The following STAP2 variants were observed in gnomAD, a reference collection of about 807,000 sequenced individuals.
STAP2 encodes the protein signal transducing adaptor family member 2, also known as signal-transducing adaptor protein 2.
Under a neutral mutation model 52.7 loss-of-function variants are expected in STAP2, and 58 were observed. That is an observed-to-expected ratio of 1.10 (90% CI 0.89 to 1.37). STAP2 has a LOEUF of 1.37. Ranked by LOEUF, STAP2 falls within the 40% of genes most tolerant of loss-of-function variation. STAP2 has a pLI of 0.00. For missense variants in STAP2, 522 were observed against 519.4 expected (o/e 1.00, Z -0.05); for synonymous variants, 231 against 210.5 (o/e 1.10, Z -0.84).
At position 4,328,735 on chromosome 19, in the gene STAP2, A is replaced by T; in HGVS notation, c.530T>A (p.Leu177Gln). ...ERYPECGNLL[L>Q]RPSGDGADGV... ...GTCGGCGCCGTCCCCGCTGGGCCGC[A>T]GCAGCAGGTTCCCGCACTCGGGGTA... Residue 177 changes from leucine to glutamine, a missense_variant, in exon 6 of 13, where the codon CTG becomes CAG. Leu to Gln is a moderately radical substitution (Grantham distance 113). Coordinates refer to ENST00000594605, the MANE Select transcript of STAP2 (RefSeq NM_001013841.2). 6.2e-7 allele frequency: 1 copy of T among 1,607,956 alleles called. No individual in the cohort carries two copies. The highest frequency in any genetic ancestry group is 8.5e-7 in the Non-Finnish European group (1 of 1,178,022).
At position 4,327,433 on chromosome 19, in the gene STAP2, C is replaced by T. The variant is rs1444032739; in HGVS notation, c.591-48G>A. 9 of 1,604,548 alleles carry T rather than the reference C, an allele frequency of 5.6e-6. No individual in the cohort carries two copies. The African/African-American group carries it at 8.0e-5, about 14-fold the overall frequency. On this transcript the variant is annotated intron_variant, in intron 6 of 12. Coordinates refer to ENST00000594605, the MANE Select transcript of STAP2 (RefSeq NM_001013841.2). ...AGTGGCTCAGCCCAGGCTCCCACAC[C>T]GCCCCTCAGGGAAGGCCCCGCCCCA...
intron 4 of STAP2, among the ~76,000 whole-genome samples, chr19:4,331,788 C>T (rs932937325): frequency 4.6e-5 from 7 of 151,896 alleles, no homozygotes; most frequent in Non-Finnish European, 7.4e-5. Context: ...AAAAATTAGC[C>T]GGGCGTGGTG....
chr19:4,327,167 C>T lies in STAP2; in HGVS notation c.720G>A (p.Ala240=). 5 of 1,614,206 alleles carry T rather than the reference C, an allele frequency of 3.1e-6. No individual in the cohort carries two copies. The highest frequency in any genetic ancestry group is 4.2e-6 in the Non-Finnish European group (5 of 1,180,036). ...CCTCGTCTAACAGGAATGGCACCAG[C>T]GCCTTTTTGGTATGCGACACGAAAT... is the stretch of plus-strand genomic sequence containing the variant. ...VNYFVSHTKK[A]LVPFLLDEDY... Residue 240 remains alanine, a synonymous_variant, in exon 8 of 13, where the codon GCG becomes GCA. Transcript: ENST00000594605.
intron 6 of STAP2, chr19:4,328,115 A>G: frequency 5.9e-6 from 1 of 168,448 alleles, no homozygotes; most frequent in Non-Finnish European, 1.3e-5. Context: ...CTCCTAACCC[A>G]AGACCTGGCT....
Position 4,328,693 on chromosome 19 carries a change from G to A in STAP2, c.572C>T (p.Thr191Met), listed in dbSNP as rs1971837888. The change falls in exon 6 of 13, where the codon ACG (threonine) becomes ATG (methionine). Residue 191 changes from threonine to methionine, a missense_variant. Thr to Met is a moderately conservative substitution (Grantham distance 81). Transcript: ENST00000594605. ...GDGADGVSVT[T>M]RQMHNGTHVV... ...TGCGCACCCGTTGTGCATCTGCCGC[G>A]TGGTGACCGACACGCCGTCGGCGCC... The A allele has an allele frequency of 1.9e-6, 3 of 1,577,146 alleles. No homozygotes were observed. Among genetic ancestry groups the A allele is most frequent in the East Asian group, 2.3e-5 (1 of 42,756 alleles).
chr19:4,333,872 T>C, intron 2 of STAP2, 56 bp from the exon 3 acceptor site: 1 of 1,612,988 alleles, frequency 6.2e-7, no homozygotes, highest in Non-Finnish European at 8.5e-7. Flanking sequence ...CCAGGCCCCC[T>C]GGATGATGTA....
At position 4,325,411 on chromosome 19, in the gene STAP2, A is replaced by T; in HGVS notation, c.964T>A (p.Tyr322Asn). 2 of 1,614,046 alleles carry T rather than the reference A, an allele frequency of 1.2e-6. No homozygotes were observed. ...TPIGDGPAVD[Y>N]ENQDVASSSW... ...CCCCACCCACCATCTTGGTTCTCAT[A>T]GTCAACAGCTGGGCCATCTCCAATG... Residue 322 changes from tyrosine to asparagine, a missense_variant, in exon 10 of 13, where the codon TAT becomes AAT. Coordinates refer to ENST00000594605, the MANE Select transcript of STAP2 (RefSeq NM_001013841.2).
chr19:4,329,547 C>T (rs538255319), intron 5 of STAP2, among the ~76,000 whole-genome samples: 3 of 152,142 alleles, frequency 2.0e-5, no homozygotes, highest in South Asian at 4.1e-4. Flanking sequence ...CTGCCCGCCT[C>T]CCTGATCACC....
chr19:4,330,711 ATTTTTTTTT>A (rs1210010568), intron 4 of STAP2, among the ~76,000 whole-genome samples: 1 of 117,172 alleles, frequency 8.5e-6, no homozygotes, highest in Non-Finnish European at 1.7e-5. Context: ...ATGTCAGCTA[ATTTTTTTTT>A]TTTTTTTTTT....
Position 4,325,508 on chromosome 19 carries a change from T to A in STAP2, c.867A>T (p.Ser289=). 1.2e-6 allele frequency: 2 copies of A among 1,609,340 alleles called. No homozygotes were observed. Among genetic ancestry groups the A allele is most frequent in the South Asian group, 1.1e-5 (1 of 90,144 alleles). ...APCTGGPKPL[S]PASSQDKLPP... The stretch of plus-strand genomic sequence containing the variant: ...GCAGCTTGTCCTGGCTAGACGCAGG[T>A]GACAGCGGCTTGGGGCCACCTGTGC... The change falls in exon 10 of 13, where the codon TCA becomes TCT. Residue 289 remains serine, a synonymous_variant. Transcript: ENST00000594605.
In STAP2 at chr19:4,332,026, A is replaced by G. The variant is rs150376620; in HGVS notation, c.350T>C (p.Val117Ala). Residue 117 changes from valine (V) to alanine (A), a missense_variant, in exon 4 of 13, where the codon GTG becomes GCG. Val to Ala is a moderately conservative substitution (Grantham distance 64, BLOSUM62 0). Coordinates refer to ENST00000594605, the MANE Select transcript of STAP2 (RefSeq NM_001013841.2). ...EMWKGFILTV[V>A]ELRVPTDLTL... ...GCAGAGAGCCACTACTCTTACCTCC[A>G]CCACCGTTAAGATGAAGCCTTTCCA... 6.8e-6 allele frequency: 11 copies of G among 1,612,980 alleles called. No individual in the cohort carries two copies. The highest frequency in any genetic ancestry group is 9.3e-6 in the Non-Finnish European group (11 of 1,179,694).
At chr19:4,330,954 C>T (rs891787690) in intron 4 of STAP2, among the ~76,000 whole-genome samples, 2 of 151,912 alleles carry the variant, frequency 1.3e-5, no homozygotes, top group African/African-American at 4.8e-5. Context: ...ACCTCATGAT[C>T]TGCCAGCCTC....
At position 4,327,243 on chromosome 19, in the gene STAP2, G is replaced by A; in HGVS notation, c.661-17C>T. ...GCAAGAGAACTGGGGGCAGATGGGGGAGCGGTCAGGCTGCTGGAGAAGGGA... is the reference window on the plus strand; with the variant it reads ...GCAAGAGAACTGGGGGCAGATGGGGAAGCGGTCAGGCTGCTGGAGAAGGGA... On this transcript the variant is annotated splice_polypyrimidine_tract_variant and intron_variant, in intron 7 of 12. Coordinates refer to ENST00000594605, the MANE Select transcript of STAP2 (RefSeq NM_001013841.2). 3.1e-6 allele frequency: 5 copies of A among 1,614,144 alleles called. No homozygotes were observed. The highest frequency in any genetic ancestry group is 4.2e-6 in the Non-Finnish European group (5 of 1,179,990).
At chr19:4,331,808 T>G (rs1365333299) in intron 4 of STAP2, among the ~76,000 whole-genome samples, 1 of 151,992 alleles carries the variant, frequency 6.6e-6, no homozygotes, top group Non-Finnish European at 1.5e-5. Context: ...GGCGGGCTTC[T>G]GTAATCCCAG....
intron 11 of STAP2, 136 bp downstream of exon 11, chr19:4,325,080 A>G (rs1971764864): frequency 2.7e-6 from 2 of 729,972 alleles, no homozygotes; most frequent in South Asian, 3.5e-5. Flanking sequence ...CGGAGCTTGC[A>G]GTGAGCCAAG....
rs772893544 is a variant in STAP2 at position 4,330,001 on chromosome 19, A to G, written c.415T>C (p.Leu139=). The change falls in exon 5 of 13, where the codon TTG becomes CTG. Residue 139 remains leucine, a synonymous_variant. Coordinates refer to ENST00000594605, the MANE Select transcript of STAP2 (RefSeq NM_001013841.2). ...GCACGGCGCGCCTCCTCTTTGGCCAAGACTTCAGACATCATGTATAGGTGC... is the reference window on the plus strand; with the variant it reads ...GCACGGCGCGCCTCCTCTTTGGCCAGGACTTCAGACATCATGTATAGGTGC... The part of the protein sequence containing the change: ...PGHLYMMSEV[L]AKEEARRALE... 22 of 1,613,568 alleles carry G rather than the reference A, an allele frequency of 1.4e-5. No individual in the cohort carries two copies. The African/African-American group carries it at 2.5e-4, about 19-fold the overall frequency.
chr19:4,331,489 G>T (rs747160192), intron 4 of STAP2, among the ~76,000 whole-genome samples: 2 of 151,980 alleles, frequency 1.3e-5, no homozygotes, highest in Admixed American at 1.3e-4. Context: ...AATTAGCCAG[G>T]CGTGGTGGCG....
intron 9 of STAP2, 144 bp downstream of exon 9, chr19:4,326,798 A>G (rs1268259862): frequency 4.8e-6 from 5 of 1,041,084 alleles, no homozygotes; most frequent in African/African-American, 1.6e-5. Flanking sequence ...ACACACCCTG[A>G]CGGCAGGGTC....
At chr19:4,336,679 G>C (rs1971985856) in intron 1 of STAP2, among the ~76,000 whole-genome samples, 1 of 150,440 alleles carries the variant, frequency 6.6e-6, no homozygotes, top group Non-Finnish European at 1.5e-5. Flanking sequence ...TTGTCCCCCA[G>C]GTTTGAGTGC....
Sources: allele counts gnomAD v4.1 joint callset (sites outside exome capture counted in the v4.1 genomes callset), GRCh38; gene constraint gnomAD v4.1.1; transcripts MANE v1.5; gene names NCBI Gene and HGNC (gene_info 2026-07-23, HGNC 2026-07-21).